Variants in TCFL5 observed in about 807,000 individuals in gnomAD.
The protein encoded by TCFL5 is transcription factor-like 5 protein.
TCFL5 carries 9 observed loss-of-function variants against 44.3 expected under a neutral mutation model. The ratio of observed to expected loss-of-function variants is 0.20; its 90% CI spans 0.12 to 0.35. The LOEUF is 0.35. Ranked by LOEUF, TCFL5 falls within the 10% of genes least tolerant of loss-of-function variation. The pLI, the probability that TCFL5 is intolerant of heterozygous loss-of-function variation, is 1.00. For missense variants in TCFL5, 603 were observed against 613.4 expected (o/e 0.98, Z 0.18); for synonymous variants, 319 against 271.6 (o/e 1.17, Z -1.72).
At chr20:62,846,504 A>C (rs959610081) in intron 5 of TCFL5, among the ~76,000 whole-genome samples, 2 of 152,246 alleles carry the variant, frequency 1.3e-5, no homozygotes, top group African/African-American at 4.8e-5. Context: ...AACAGAACAT[A>C]TGTGAAATCG....
rs2063681442 is a variant in TCFL5, at chr20:62,841,633, AG to A, written c.*341del. ...AAAGCCGTGTACTTTTTAAGATTAA[AG>A]AAAGTACAAAGGATGTCAATTTTTT... On this transcript the variant is annotated 3_prime_UTR_variant, in exon 6 of 6. Coordinates refer to ENST00000335351, the MANE Select transcript of TCFL5 (RefSeq NM_006602.4). 1 of 168,776 alleles carries A rather than the reference AG, an allele frequency of 5.9e-6. No individual in the cohort carries two copies. Among genetic ancestry groups the A allele is most frequent in the African/African-American group, 2.4e-5 (1 of 42,026 alleles). 10.5% of individuals were successfully genotyped at this position (168,776 alleles called of 1,614,324 possible).
At chr20:62,853,963 ATTG>A in intron 5 of TCFL5, 50 bp downstream of exon 5, 1 of 1,594,612 alleles carries the variant, frequency 6.3e-7, no homozygotes, top group Non-Finnish European at 8.6e-7. Flanking sequence ...AAGGAGGGAC[ATTG>A]TTAAGTAAAA....
chr20:62,856,885 T>C (rs947521842), intron 4 of TCFL5, among the ~76,000 whole-genome samples: 1 of 152,112 alleles, frequency 6.6e-6, no homozygotes, highest in Non-Finnish European at 1.5e-5. Context: ...GAACCTACAC[T>C]GTGCAAACGA....
At position 62,842,041 on chromosome 20, in the gene TCFL5, C is replaced by T. The variant is rs775918540; in HGVS notation, c.1437G>A (p.Pro479=). 1.7e-5 allele frequency: 27 copies of T among 1,614,088 alleles called. No homozygotes were observed. Among genetic ancestry groups the T allele is most frequent in the South Asian group, 2.2e-5 (2 of 91,088 alleles). ...GTGCAGGACAGGTCACCAAGGAGTC[C>T]GGTCTGGTCAGCTTTAGCCTTCGGC... ...KTGRRLKLTR[P]DSLVTCPAQG... Residue 479 remains proline (P), a synonymous_variant, in exon 6 of 6, where the codon CCG becomes CCA. Transcript: ENST00000335351. This position sits in a 1 kb window ranked among gnomAD's most constrained non-coding sequence, Gnocchi z 4.3.
At chr20:62,860,985 C>T (rs1399068570) in intron 1 of TCFL5, 39 bp downstream of exon 1, 2 of 991,232 alleles carry the variant, frequency 2.0e-6, no homozygotes, top group Non-Finnish European at 1.2e-6. Context: ...CCTCGGCCTC[C>T]ACCCGGGCCC....
intron 5 of TCFL5, among the ~76,000 whole-genome samples, chr20:62,843,567 C>A (rs190969525): frequency 2.0e-5 from 3 of 152,236 alleles, no homozygotes; most frequent in African/African-American, 7.2e-5. Flanking sequence ...GCATTCTACA[C>A]GATTAAATCC....
chr20:62,854,703 A>C lies in TCFL5; in HGVS notation c.1239-546T>G, dbSNP rs554613756. ...TCTGAAACTTGGTCTTTGTAGAGATAAACAATTGGAGTCTTGTTATTAGAC... is the reference window on the plus strand; with the variant it reads ...TCTGAAACTTGGTCTTTGTAGAGATCAACAATTGGAGTCTTGTTATTAGAC... On this transcript the variant is annotated intron_variant, in intron 4 of 5. Coordinates refer to ENST00000335351, the MANE Select transcript of TCFL5 (RefSeq NM_006602.4). Among the ~76,000 whole-genome samples the C allele has an allele frequency of 2.6e-5, 4 of 152,352 alleles. No individual in the cohort carries two copies. The East Asian group carries it at 7.7e-4, about 29-fold the overall frequency.
At chr20:62,848,430 C>T (rs1873941436) in intron 5 of TCFL5, among the ~76,000 whole-genome samples, 1 of 152,182 alleles carries the variant, frequency 6.6e-6, no homozygotes, top group African/African-American at 2.4e-5. Flanking sequence ...TGATTTTCAT[C>T]GTTGTGGATA....
chr20:62,849,467 G>T (rs886545646), intron 5 of TCFL5, among the ~76,000 whole-genome samples: 1 of 152,166 alleles, frequency 6.6e-6, no homozygotes, highest in Non-Finnish European at 1.5e-5. Context: ...ACTGTGGGGG[G>T]GATTCTTGTA....
At chr20:62,857,300 A>C (rs2063908552) in intron 4 of TCFL5, 95 bp downstream of exon 4, 2 of 1,514,176 alleles carry the variant, frequency 1.3e-6, no homozygotes, top group African/African-American at 1.4e-5. Flanking sequence ...TTCCCTCTGA[A>C]CGCAGAAACG....
At position 62,861,411 on chromosome 20, in the gene TCFL5, G is replaced by C. The variant is rs777008302; in HGVS notation, c.260C>G (p.Pro87Arg). 9.0e-7 allele frequency: 1 copy of C among 1,115,376 alleles called. No homozygotes were observed. Among genetic ancestry groups the C allele is most frequent in the Non-Finnish European group, 1.1e-6 (1 of 913,708 alleles). The allele number at this position is 1,115,376 out of a possible 1,614,324, so 69.1% of individuals were successfully genotyped here. A position where few individuals can be genotyped will look rare whatever the true frequency, so the allele number is the denominator to read the frequency against. The change falls in exon 1 of 6, where the codon CCG becomes CGG. Residue 87 changes from proline to arginine, a missense_variant. Physicochemically the swap from Pro to Arg is moderately radical, Grantham distance 103 (BLOSUM62 -2). Transcript: ENST00000335351. The surrounding 1 kb of genome is among the most constrained non-coding windows in gnomAD (Gnocchi z 4.0). ...CGCGAAGCCGCCCGCGCCTGCGCCC[G>C]GGCCCGCCGCCGCCAGCAGCGCCGA... is the stretch of plus-strand genomic sequence containing the variant. ...LNSALLAAAG[P>R]GAGAGGFAAG...
Position 62,861,360 on chromosome 20 carries a change from G to T in TCFL5, c.311C>A (p.Pro104His), listed in dbSNP as rs2064003587. 3 of 1,066,874 alleles carry T rather than the reference G, an allele frequency of 2.8e-6. No individual in the cohort carries two copies. The highest frequency in any genetic ancestry group is 5.4e-5 in the Admixed American group (1 of 18,466). 66.1% of individuals were successfully genotyped at this position (1,066,874 alleles called of 1,614,324 possible). Reference sequence around the variant, plus strand: ...GGACGGGCACAGCACGGGGTACACGGGCGCCGCGCCCCCCTGACCGCCCGC... The same window carrying T: ...GGACGGGCACAGCACGGGGTACACGTGCGCCGCGCCCCCCTGACCGCCCGC... The part of the protein sequence containing the change: ...FAAGGQGGAA[P>H]VYPVLCPSAL... The change falls in exon 1 of 6, where the codon CCC (proline) becomes CAC (histidine). Residue 104 changes from proline (P) to histidine (H), a missense_variant. Around this residue, in one of 4 missense-constraint regions of TCFL5, gnomAD observed 540 missense variants for 478.7 expected, o/e 1.13. Coordinates refer to ENST00000335351, the MANE Select transcript of TCFL5 (RefSeq NM_006602.4). The surrounding 1 kb of genome is among the most constrained non-coding windows in gnomAD (Gnocchi z 4.0).
intron 3 of TCFL5, among the ~76,000 whole-genome samples, chr20:62,857,878 C>T (rs1039987838): frequency 6.6e-6 from 1 of 152,024 alleles, no homozygotes; most frequent in Non-Finnish European, 1.5e-5. Context: ...ATACGTTTTC[C>T]AAGTGCTATG....
At chr20:62,859,707 T>G (rs56297119) in intron 2 of TCFL5, among the ~76,000 whole-genome samples, 181 bp from the exon 3 acceptor site, 4,058 of 147,282 alleles carry the variant, frequency 0.028, 74 homozygotes, top group Non-Finnish European at 0.039. Flanking sequence ...TCACAGGTAT[T>G]TTTTTGTTTT....
At chr20:62,844,031 G>C (rs2063708588) in intron 5 of TCFL5, among the ~76,000 whole-genome samples, 1 of 152,176 alleles carries the variant, frequency 6.6e-6, no homozygotes, top group Non-Finnish European at 1.5e-5. Context: ...TGGCCACTGT[G>C]AAAGGTGCTG....
chr20:62,849,685 A>C (rs1417951998), intron 5 of TCFL5, among the ~76,000 whole-genome samples: 1 of 152,142 alleles, frequency 6.6e-6, no homozygotes, highest in Admixed American at 6.5e-5. Context: ...CTAGTCAGGC[A>C]TGGTGGCTCA....
chr20:62,860,005 G>T, intron 2 of TCFL5, 120 bp downstream of exon 2: 7 of 1,029,424 alleles, frequency 6.8e-6, no homozygotes, highest in Non-Finnish European at 9.9e-6. Flanking sequence ...CTTGGCGCCC[G>T]GCTTAAAAGG....
Position 62,851,869 on chromosome 20 carries a change from G to A in TCFL5, c.1380+2147C>T, listed in dbSNP as rs535011348. On this transcript the variant is annotated intron_variant, in intron 5 of 5. Transcript: ENST00000335351. ...CTGTCACCCAGGCTGCAGTGCAGTGGTGCTATCTTGGCTCATTGCAACCTC... is the reference window on the plus strand; with the variant it reads ...CTGTCACCCAGGCTGCAGTGCAGTGATGCTATCTTGGCTCATTGCAACCTC... 27 of 967,700 alleles carry A rather than the reference G, an allele frequency of 2.8e-5. No homozygotes were observed. In the African/African-American group the frequency reaches 4.4e-4, roughly 16 times the overall value. 59.9% of individuals were successfully genotyped at this position (967,700 alleles called of 1,614,324 possible).
chr20:62,843,413 G>GT (rs2063701754), intron 5 of TCFL5, among the ~76,000 whole-genome samples: 2 of 150,102 alleles, frequency 1.3e-5, no homozygotes, highest in East Asian at 4.1e-4. Context: ...GTCTGGAATT[G>GT]TTTTAAAATA....
Sources: gnomAD v4.1 joint callset for allele counts (sites outside exome capture counted in the v4.1 genomes callset) on GRCh38, gnomAD v4.1.1 for gene constraint, gnomAD v4.1.1 regional missense constraint, Gnocchi (gnomAD v3.1) non-coding constraint, MANE v1.5 for transcripts, NCBI Gene and HGNC (gene_info 2026-07-23, HGNC 2026-07-21) for gene names.